The following RUVBL1 variants were observed in gnomAD, a reference collection of about 807,000 sequenced individuals.
RUVBL1 encodes ruvB-like 1.
A neutral mutation model predicts 52.4 loss-of-function variants in RUVBL1; 4 were observed. That is an observed-to-expected ratio of 0.08 (90% CI 0.04 to 0.17). The LOEUF (loss-of-function observed/expected upper bound fraction) is 0.17. Among genes scored for constraint, RUVBL1 ranks in the 10% least tolerant of loss-of-function variants. RUVBL1 has a pLI of 1.00. For missense variants in RUVBL1, 298 were observed against 572.8 expected (o/e 0.52, Z 4.90); for synonymous variants, 217 against 214.4 (o/e 1.01, Z -0.10).
downstream of RUVBL1, among the ~76,000 whole-genome samples, chr3:128,080,254 A>C (rs896448042): frequency 1.3e-5 from 2 of 152,186 alleles, no homozygotes; most frequent in African/African-American, 4.8e-5. Context: ...AAATCTACTA[A>C]AGTATACAAT....
At chr3:128,152,762 T>C (rs1944245358) in intron 1 of RUVBL1, among the ~76,000 whole-genome samples, 1 of 152,002 alleles carries the variant, frequency 6.6e-6, no homozygotes, top group African/African-American at 2.4e-5. Context: ...GATGGCACAG[T>C]CCCAAAGAGT....
At chr3:128,120,830 C>T (rs981419013) in intron 1 of RUVBL1, among the ~76,000 whole-genome samples, 7 of 151,914 alleles carry the variant, frequency 4.6e-5, no homozygotes, top group South Asian at 2.1e-4. Flanking sequence ...CCATGTTAGC[C>T]GGGATGGTCT....
intron 9 of RUVBL1, chr3:128,069,643 T>C: frequency 6.2e-7 from 1 of 1,614,086 alleles, no homozygotes; most frequent in Non-Finnish European, 8.5e-7. Flanking sequence ...GTTGGCAGCA[T>C]GGGGGCCCTG....
At chr3:128,123,500 C>T in intron 1 of RUVBL1, 84 bp downstream of exon 1, 2 of 1,383,320 alleles carry the variant, frequency 1.4e-6, no homozygotes, top group Non-Finnish European at 1.9e-6. Context: ...CGCGCGCATC[C>T]CGCCCCGAGC....
chr3:128,152,622 G>T (rs1212809932), intron 1 of RUVBL1, among the ~76,000 whole-genome samples: 1 of 152,134 alleles, frequency 6.6e-6, no homozygotes, highest in South Asian at 2.1e-4. Flanking sequence ...CAGGCACTTG[G>T]TAAGATCTTG....
intron 9 of RUVBL1, chr3:128,066,885 G>A (rs749604953): frequency 3.1e-5 from 46 of 1,499,334 alleles, no homozygotes; most frequent in South Asian, 4.6e-5. Context: ...GTCCCCGGCC[G>A]GGCTGTGTTT....
At chr3:128,110,459 A>G (rs1943360400) in intron 3 of RUVBL1, among the ~76,000 whole-genome samples, 1 of 152,216 alleles carries the variant, frequency 6.6e-6, no homozygotes, top group Non-Finnish European at 1.5e-5. Flanking sequence ...GAGTGAGACC[A>G]TGGCACTAAA....
intron 2 of RUVBL1, among the ~76,000 whole-genome samples, chr3:128,116,270 G>C (rs1299249759): frequency 6.6e-6 from 1 of 152,102 alleles, no homozygotes; most frequent in African/African-American, 2.4e-5. Context: ...GCCAGGCACA[G>C]TGGCTCACGC....
In RUVBL1 at chr3:128,082,221, C is replaced by T. The variant is rs1942496095; in HGVS notation, c.1211+262G>A. 4.5e-6 allele frequency: 2 copies of T among 444,564 alleles called. No homozygotes were observed. Among genetic ancestry groups the T allele is most frequent in the Non-Finnish European group, 8.1e-6 (2 of 246,222 alleles). The allele number at this position is 444,564 out of a possible 1,614,324, so 27.5% of individuals were successfully genotyped here. A position where few individuals can be genotyped will look rare whatever the true frequency, so the allele number is the denominator to read the frequency against. ...GTGCATCTTCTCTGCCACAAGAAGG[C>T]CCAGGGTCAAAGCACTCTCCACCAG... is the stretch of plus-strand genomic sequence containing the variant. On this transcript the variant is annotated intron_variant, in intron 10 of 10. Coordinates refer to ENST00000322623, the MANE Select transcript of RUVBL1 (RefSeq NM_003707.3). The surrounding 1 kb of genome is among the most constrained non-coding windows in gnomAD (Gnocchi z 4.7).
intron 1 of RUVBL1, among the ~76,000 whole-genome samples, chr3:128,136,722 C>T (rs1238254354): frequency 1.3e-5 from 2 of 151,338 alleles, no homozygotes; most frequent in East Asian, 3.9e-4. Context: ...AAAAAATGTT[C>T]CATGCAAATG....
At position 128,065,215 on chromosome 3, in the gene RUVBL1, T is replaced by TG; in HGVS notation, c.944dup (p.Ter316MetfsTer4). ...CTGGACAAGCATGTTCATTGAGTCA[T>TG]GGGACCTGCCATTAACGAAACAAAA... On this transcript the variant is annotated frameshift_variant, in exon 10 of 10. Coordinates refer to the RUVBL1 transcript ENST00000464873. LOFTEE classifies it high-confidence loss of function. The TG allele has an allele frequency of 1.4e-6, 1 of 733,420 alleles. No individual in the cohort carries two copies. Among genetic ancestry groups the TG allele is most frequent in the East Asian group, 2.6e-5 (1 of 37,816 alleles). 45.4% of individuals were successfully genotyped at this position (733,420 alleles called of 1,614,324 possible). A position where few individuals can be genotyped will look rare whatever the true frequency, so the allele number is the denominator to read the frequency against.
intron 9 of RUVBL1, 114 bp downstream of exon 9, chr3:128,087,592 G>T: frequency 1.4e-6 from 1 of 715,664 alleles, no homozygotes; most frequent in Non-Finnish European, 2.4e-6. Context: ...GTAGCTAAGT[G>T]GTGAGATGGT....
At chr3:128,139,888 G>A (rs1226864060) in intron 1 of RUVBL1, among the ~76,000 whole-genome samples, 1 of 152,162 alleles carries the variant, frequency 6.6e-6, no homozygotes, top group Non-Finnish European at 1.5e-5. Flanking sequence ...GCTGGGAAGG[G>A]TAGTGGGGAT....
intron 1 of RUVBL1, among the ~76,000 whole-genome samples, chr3:128,135,146 C>G (rs1367512009): frequency 6.6e-6 from 1 of 152,098 alleles, no homozygotes; most frequent in African/African-American, 2.4e-5. Flanking sequence ...AGAAAAGAAA[C>G]AAATAACATA....
Position 128,104,835 on chromosome 3 carries a change from C to T in RUVBL1, c.451G>A (p.Gly151Ser). The T allele has an allele frequency of 6.2e-7, 1 of 1,613,690 alleles. No homozygotes were observed. The highest frequency in any genetic ancestry group is 8.5e-7 in the Non-Finnish European group (1 of 1,179,608). Residue 151 changes from glycine to serine, a missense_variant, in exon 4 of 11, where the codon GGC (glycine) becomes AGC (serine). Coordinates refer to ENST00000322623, the MANE Select transcript of RUVBL1 (RefSeq NM_003707.3). The part of the protein sequence containing the change: ...CETENPMGGY[G>S]KTISHVIIGL... ...ATGATCACATGGCTAATGGTTTTGC[C>T]ATATCCTCCCATGGGATTCTCTGTC...
chr3:128,108,896 G>C (rs1301216161), intron 3 of RUVBL1, among the ~76,000 whole-genome samples: 1 of 152,140 alleles, frequency 6.6e-6, no homozygotes, highest in Non-Finnish European at 1.5e-5. Flanking sequence ...AAAGTACACT[G>C]CATGTAATCA....
Position 128,104,874 on chromosome 3 carries a change from G to T in RUVBL1, c.412C>A (p.Leu138Ile), listed in dbSNP as rs368456919. The T allele has an allele frequency of 6.2e-7, 1 of 1,612,672 alleles. No individual in the cohort carries two copies. Among genetic ancestry groups the T allele is most frequent in the Non-Finnish European group, 8.5e-7 (1 of 1,178,808 alleles). Residue 138 changes from leucine (L) to isoleucine (I), a missense_variant, in exon 4 of 11, where the codon CTA becomes ATA. Leu to Ile is a conservative substitution (Grantham distance 5, BLOSUM62 2). This residue lies in a region of RUVBL1 where 58 missense variants were observed against 83.2 expected (regional missense o/e 0.70). Coordinates refer to ENST00000322623, the MANE Select transcript of RUVBL1 (RefSeq NM_003707.3). Reference sequence around the variant, plus strand: ...GGATTCTCTGTCTCACACGGAGTTAGCTCTGTGACTTCACCTTCATAAACT... The same window carrying T: ...GGATTCTCTGTCTCACACGGAGTTATCTCTGTGACTTCACCTTCATAAACT... ...KEVYEGEVTE[L>I]TPCETENPMG... is the part of the protein sequence containing the mutation.
At position 128,149,463 on chromosome 3, in the gene RUVBL1, G is replaced by A. The variant is rs1386604247; in HGVS notation, c.-40+3740C>T. 2.6e-5 allele frequency among the ~76,000 whole-genome samples: 4 copies of A among 152,270 alleles called. No homozygotes were observed. The East Asian group carries it at 5.8e-4, about 22-fold the overall frequency. ...GCCTCTCAAAGTGCTGGGGTTACAGGTGTAAGCCACTATGCCTGGCCTTTG... is the reference window on the plus strand; with the variant it reads ...GCCTCTCAAAGTGCTGGGGTTACAGATGTAAGCCACTATGCCTGGCCTTTG... On this transcript the variant is annotated intron_variant, in intron 1 of 9. Transcript: ENST00000464873.
At chr3:128,073,443 C>T (rs932743903) in intron 9 of RUVBL1, among the ~76,000 whole-genome samples, 1 of 152,194 alleles carries the variant, frequency 6.6e-6, no homozygotes, top group Admixed American at 6.5e-5. Flanking sequence ...GGGTCTGAGC[C>T]CCATGGCCTG....
Sources: allele counts gnomAD v4.1 joint callset (sites outside exome capture counted in the v4.1 genomes callset), GRCh38; gene constraint gnomAD v4.1.1; regional missense constraint gnomAD v4.1.1; non-coding constraint Gnocchi (gnomAD v3.1); transcripts MANE v1.5; gene names NCBI Gene and HGNC (gene_info 2026-07-23, HGNC 2026-07-21).